The following SDK1 variants were observed in gnomAD, a reference collection of about 807,000 sequenced individuals.
The protein encoded by SDK1 is sidekick cell adhesion molecule 1, also known as protein sidekick-1.
Under a neutral mutation model 245.5 loss-of-function variants are expected in SDK1, and 157 were observed. The ratio of observed to expected loss-of-function variants is 0.64; its 90% CI spans 0.56 to 0.73. SDK1 has a LOEUF of 0.73. Among genes scored for constraint, SDK1 ranks in the 30% least tolerant of loss-of-function variants. The probability of loss-of-function intolerance (pLI) is 0.00; values close to 1 mark genes in which losing one functional copy is unlikely to be tolerated. For missense variants in SDK1, 3,583 were observed against 3,002.3 expected (o/e 1.19, Z -4.52); for synonymous variants, 1,647 against 1,278.5 (o/e 1.29, Z -6.15).
intron 7 of SDK1, among the ~76,000 whole-genome samples, chr7:3,954,196 C>G (rs1166069127): frequency 6.6e-6 from 1 of 151,564 alleles, no homozygotes; most frequent in Non-Finnish European, 1.5e-5. Context: ...CACCCCGCCA[C>G]TGGCTGCCCA....
At chr7:3,743,927 A>G (rs1451315207) in intron 4 of SDK1, among the ~76,000 whole-genome samples, 1 of 152,192 alleles carries the variant, frequency 6.6e-6, no homozygotes, top group East Asian at 1.9e-4. Context: ...CCACAGGACC[A>G]ATGCTGGAAG....
In SDK1 at chr7:3,454,252, C is replaced by T. The variant is rs73294811; in HGVS notation, c.298+152368C>T. ...ACCAGGTCCACAAATAAAATCGATA[C>T]AGCTAGATTATGAAAATCAACTCAC... On this transcript the variant is annotated intron_variant, in intron 1 of 44. Coordinates refer to ENST00000404826, the MANE Select transcript of SDK1 (RefSeq NM_152744.4). 3.2e-3 allele frequency among the ~76,000 whole-genome samples: 493 copies of T among 152,216 alleles called. 3 individuals carry two copies. Among genetic ancestry groups the T allele is most frequent in the African/African-American group, 0.012 (483 of 41,526 alleles).
intron 5 of SDK1, among the ~76,000 whole-genome samples, chr7:3,829,667 G>A (rs1779866687): frequency 6.6e-6 from 1 of 152,190 alleles, no homozygotes; most frequent in South Asian, 2.1e-4. Context: ...GAAGCCCAAG[G>A]AGAAGGCAAA....
At chr7:3,769,291 G>A (rs933922694) in intron 4 of SDK1, among the ~76,000 whole-genome samples, 4 of 152,138 alleles carry the variant, frequency 2.6e-5, no homozygotes, top group Non-Finnish European at 5.9e-5. Flanking sequence ...TCAAGGGTCT[G>A]CATTTGGTTA....
At chr7:3,994,774 T>G (rs934451441) in intron 14 of SDK1, among the ~76,000 whole-genome samples, 1 of 152,236 alleles carries the variant, frequency 6.6e-6, no homozygotes, top group Non-Finnish European at 1.5e-5. Context: ...TGCCCTGCCC[T>G]TCTTTGTTCC....
At position 3,688,410 on chromosome 7, in the gene SDK1, G is replaced by A. The variant is rs73672142; in HGVS notation, c.713+46305G>A. On this transcript the variant is annotated intron_variant, in intron 4 of 44. Coordinates refer to ENST00000404826, the MANE Select transcript of SDK1 (RefSeq NM_152744.4). ...TTTTGAGGTTTAATTCTTACATGTA[G>A]TATGAGAACTGAGAAGTAATAACTG... 5.3e-3 allele frequency among the ~76,000 whole-genome samples: 810 copies of A among 152,352 alleles called. 6 individuals carry two copies. Among genetic ancestry groups the A allele is most frequent in the African/African-American group, 0.019 (778 of 41,580 alleles).
At chr7:3,871,667 G>T (rs984685952) in intron 5 of SDK1, among the ~76,000 whole-genome samples, 1 of 152,132 alleles carries the variant, frequency 6.6e-6, no homozygotes, top group African/African-American at 2.4e-5. Flanking sequence ...AGCAAGTAGC[G>T]GGGAGGCGCC....
At chr7:3,660,332 C>G (rs1417834315) in intron 4 of SDK1, among the ~76,000 whole-genome samples, 1 of 151,922 alleles carries the variant, frequency 6.6e-6, no homozygotes, top group East Asian at 1.9e-4. Flanking sequence ...TCACCTGATT[C>G]TACATAAGCA....
At chr7:3,508,132 C>G (rs1045862207) in intron 1 of SDK1, among the ~76,000 whole-genome samples, 1 of 152,122 alleles carries the variant, frequency 6.6e-6, no homozygotes, top group Middle Eastern at 3.2e-3. Flanking sequence ...TGTTGTTCTA[C>G]AAACTGTTGC....
At chr7:3,485,186 A>C (rs1402419406) in intron 1 of SDK1, among the ~76,000 whole-genome samples, 1 of 152,110 alleles carries the variant, frequency 6.6e-6, no homozygotes, top group Non-Finnish European at 1.5e-5. Flanking sequence ...CTTTTTGATA[A>C]TAGCTATCAT....
At chr7:3,452,928 C>A (rs1201612930) in intron 1 of SDK1, among the ~76,000 whole-genome samples, 1 of 152,076 alleles carries the variant, frequency 6.6e-6, no homozygotes, top group African/African-American at 2.4e-5. Context: ...TTATGCTGCC[C>A]CTGTTAAAAT....
At chr7:4,249,256 C>T (rs1787134086) in intron 44 of SDK1, among the ~76,000 whole-genome samples, 1 of 152,288 alleles carries the variant, frequency 6.6e-6, no homozygotes, top group African/African-American at 2.4e-5. Context: ...CCCTGAGACA[C>T]GCACTGATGA....
Position 4,266,486 on chromosome 7 carries a change from A to G in SDK1, c.*1102A>G, listed in dbSNP as rs1336717152. 2.0e-6 allele frequency: 2 copies of G among 985,180 alleles called. No individual in the cohort carries two copies. The highest frequency in any genetic ancestry group is 1.2e-4 in the Admixed American group (2 of 16,248). 61.0% of individuals were successfully genotyped at this position (985,180 alleles called of 1,614,324 possible). On this transcript the variant is annotated 3_prime_UTR_variant, in exon 45 of 45. Transcript: ENST00000404826. ...CTTCTGCTGGCTGCTCGCAGCAGCC[A>G]CCGCTTCTCCACCACTGGCGCTGCT...
chr7:3,841,432 C>G (rs1439392883), intron 5 of SDK1, among the ~76,000 whole-genome samples: 2 of 152,186 alleles, frequency 1.3e-5, no homozygotes, highest in Non-Finnish European at 2.9e-5. Context: ...CTTGGCAGCA[C>G]AGAACTGCGT....
At chr7:3,309,197 T>A (rs1562404299) in intron 1 of SDK1, among the ~76,000 whole-genome samples, 1 of 152,096 alleles carries the variant, frequency 6.6e-6, no homozygotes, top group Non-Finnish European at 1.5e-5. Context: ...AAGGTCAGTT[T>A]TGTCTTCTCT....
At chr7:3,653,725 C>G (rs144726250) in intron 4 of SDK1, among the ~76,000 whole-genome samples, 1 of 150,070 alleles carries the variant, frequency 6.7e-6, no homozygotes, top group African/African-American at 2.4e-5. Flanking sequence ...TGCTGGCTCA[C>G]AGCTGTGATG....
At chr7:3,992,480 T>G (rs148570050) in intron 14 of SDK1, among the ~76,000 whole-genome samples, 3 of 152,180 alleles carry the variant, frequency 2.0e-5, no homozygotes, top group East Asian at 3.9e-4. Flanking sequence ...TCAGGCCAGG[T>G]GGCGGATGAG....
intron 4 of SDK1, among the ~76,000 whole-genome samples, chr7:3,664,585 C>T (rs1054452559): frequency 2.0e-5 from 3 of 151,830 alleles, no homozygotes; most frequent in South Asian, 2.1e-4. Flanking sequence ...ACTAAAAATA[C>T]AAAAATTGGC....
rs1309033183 is a variant in SDK1, at chr7:4,265,654, C to T, written c.*270C>T. ...GTATTTCACTGGTGCAATGGCTTGG[C>T]ACCTCCGGGGCCTGGGAGGACCTCA... On this transcript the variant is annotated 3_prime_UTR_variant, in exon 45 of 45. Coordinates refer to ENST00000404826, the MANE Select transcript of SDK1 (RefSeq NM_152744.4). 1 of 1,242,750 alleles carries T rather than the reference C, an allele frequency of 8.0e-7. No individual in the cohort carries two copies. Among genetic ancestry groups the T allele is most frequent in the Non-Finnish European group, 1.0e-6 (1 of 996,430 alleles). The allele number at this position is 1,242,750 out of a possible 1,614,324, so 77.0% of individuals were successfully genotyped here. A position where few individuals can be genotyped will look rare whatever the true frequency, so the allele number is the denominator to read the frequency against.
Sources: allele counts gnomAD v4.1 joint callset (sites outside exome capture counted in the v4.1 genomes callset), GRCh38; gene constraint gnomAD v4.1.1; transcripts MANE v1.5; gene names NCBI Gene and HGNC (gene_info 2026-07-23, HGNC 2026-07-21).